OR10J1: variants seen among roughly 807,000 people sequenced by gnomAD.
OR10J1 encodes olfactory receptor 10J1.
For synonymous variants in OR10J1, 202 were observed against 143.8 expected (o/e 1.40, Z -2.89); for missense variants, 474 against 376.6 (o/e 1.26, Z -2.14).
At chr1:159,413,596 A>G in the OR10J1 span, among the ~76,000 whole-genome samples, 1 of 151,692 alleles carries the variant, frequency 6.6e-6, no homozygotes, top group Non-Finnish European at 1.5e-5. Context: ...AGAACAAAAA[A>G]CCAAACACCA....
the OR10J1 span, among the ~76,000 whole-genome samples, chr1:159,413,724 G>T: frequency 6.6e-6 from 1 of 151,096 alleles, no homozygotes; most frequent in South Asian, 2.1e-4. Flanking sequence ...AGCATTAGGA[G>T]ATATACCTAA....
chr1:159,435,505 C>A (rs1655711662), upstream of OR10J1, among the ~76,000 whole-genome samples: 1 of 152,128 alleles, frequency 6.6e-6, no homozygotes, highest in Non-Finnish European at 1.5e-5. Context: ...CTATTATTAT[C>A]CAAATATTAT....
the OR10J1 span, among the ~76,000 whole-genome samples, chr1:159,409,913 G>C: frequency 1.1e-3 from 168 of 152,194 alleles, no homozygotes; most frequent in African/African-American, 3.3e-3. Flanking sequence ...ATGAAGGGTT[G>C]TTGAATTTTG....
At chr1:159,418,242 A>T in the OR10J1 span, among the ~76,000 whole-genome samples, 1 of 152,210 alleles carries the variant, frequency 6.6e-6, no homozygotes, top group Non-Finnish European at 1.5e-5. Flanking sequence ...TTGCCAAGAC[A>T]GTGGGGAAGA....
At chr1:159,422,567 TG>T in the OR10J1 span, among the ~76,000 whole-genome samples, 7 of 151,986 alleles carry the variant, frequency 4.6e-5, no homozygotes, top group Non-Finnish European at 8.8e-5. Context: ...AGAATGTCAG[TG>T]GGGCTTCAGG....
chr1:159,415,003 T>C, the OR10J1 span, among the ~76,000 whole-genome samples: 299 of 152,304 alleles, frequency 2.0e-3, 3 homozygotes, highest in African/African-American at 6.8e-3. Flanking sequence ...TTTGCAAATA[T>C]ATACTCCCAT....
At chr1:159,423,740 G>A in the OR10J1 span, among the ~76,000 whole-genome samples, 8 of 152,288 alleles carry the variant, frequency 5.3e-5, no homozygotes, top group South Asian at 8.3e-4. Context: ...CCACCAGAAA[G>A]AACATTAAAG....
chr1:159,419,039 C>T, the OR10J1 span, among the ~76,000 whole-genome samples: 9 of 152,140 alleles, frequency 5.9e-5, no homozygotes, highest in African/African-American at 2.2e-4. Flanking sequence ...TGCTTGCAAC[C>T]CCATTGTACC....
chr1:159,408,177 G>A, the OR10J1 span, among the ~76,000 whole-genome samples: 1 of 151,948 alleles, frequency 6.6e-6, no homozygotes, highest in South Asian at 2.1e-4. Context: ...TACATATGGA[G>A]GACCCAGAAA....
chr1:159,415,063 C>T, the OR10J1 span, among the ~76,000 whole-genome samples: 4 of 152,028 alleles, frequency 2.6e-5, no homozygotes, highest in African/African-American at 9.7e-5. Context: ...TGTGAAGAAG[C>T]TATTTAGTTT....
At chr1:159,420,936 C>A in the OR10J1 span, among the ~76,000 whole-genome samples, 1 of 152,056 alleles carries the variant, frequency 6.6e-6, no homozygotes, top group East Asian at 1.9e-4. Flanking sequence ...TTGATGTTCC[C>A]AAATAACTTG....
At chr1:159,425,222 AG>A in the OR10J1 span, among the ~76,000 whole-genome samples, 1 of 152,176 alleles carries the variant, frequency 6.6e-6, no homozygotes, top group East Asian at 1.9e-4. Flanking sequence ...GTTATTGAAG[AG>A]GTTCTCCATC....
chr1:159,408,479 G>T, the OR10J1 span, among the ~76,000 whole-genome samples: 2 of 147,954 alleles, frequency 1.4e-5, no homozygotes, highest in South Asian at 2.2e-4. Context: ...ATGGGGGGAG[G>T]GGGGAGGGAT....
chr1:159,411,237 A>C, the OR10J1 span, among the ~76,000 whole-genome samples: 2 of 152,124 alleles, frequency 1.3e-5, no homozygotes, highest in East Asian at 3.9e-4. Context: ...AGCTGAGCTC[A>C]ATTCCTGGGT....
the OR10J1 span, among the ~76,000 whole-genome samples, chr1:159,420,479 T>C: frequency 6.6e-6 from 1 of 152,180 alleles, no homozygotes; most frequent in South Asian, 2.1e-4. Flanking sequence ...CTCTTCCTTA[T>C]TTGTTTGCTA....
chr1:159,430,401 G>A, the OR10J1 span, among the ~76,000 whole-genome samples: 1 of 152,072 alleles, frequency 6.6e-6, no homozygotes, highest in Non-Finnish European at 1.5e-5. Context: ...AAGAAATTGA[G>A]GCCTAGAGAG....
At chr1:159,405,732 G>T in the OR10J1 span, 14 of 848,070 alleles carry the variant, frequency 1.7e-5, no homozygotes, top group Non-Finnish European at 2.7e-5. Context: ...AGGAGATAAA[G>T]ATCAGGGCAA....
the OR10J1 span, among the ~76,000 whole-genome samples, chr1:159,397,564 C>A: frequency 6.6e-6 from 1 of 152,018 alleles, no homozygotes; most frequent in Non-Finnish European, 1.5e-5. Context: ...TCACCACAAG[C>A]TAACTTAAGA....
chr1:159,414,843 A>AT, the OR10J1 span, among the ~76,000 whole-genome samples: 13 of 152,010 alleles, frequency 8.6e-5, no homozygotes, highest in Non-Finnish European at 1.9e-4. Context: ...GATATTAAGC[A>AT]TTTTTTCATG....
Sources: allele counts gnomAD v4.1 joint callset (sites outside exome capture counted in the v4.1 genomes callset), GRCh38; gene constraint gnomAD v4.1.1; transcripts MANE v1.5; gene names NCBI Gene and HGNC (gene_info 2026-07-23, HGNC 2026-07-21).